GLRA2: variants seen among roughly 807,000 people sequenced by gnomAD.
GLRA2 encodes glycine receptor alpha 2.
GLRA2 carries 11 observed loss-of-function variants against 31.6 expected under a neutral mutation model. The observed-to-expected ratio is 0.35, with a 90% CI of 0.22 to 0.58. The LOEUF is 0.58. Ranked by LOEUF, GLRA2 falls within the 20% of genes least tolerant of loss-of-function variation. The pLI is 0.84. For synonymous variants in GLRA2, 132 were observed against 134.0 expected (o/e 0.99, Z 0.10); for missense variants, 212 against 351.8 (o/e 0.60, Z 3.18).
At chrX:14,493,606 C>CATATACACAT in the GLRA2 span, among the ~76,000 whole-genome samples, 1 of 99,363 alleles carries the variant, frequency 1.0e-5, no homozygotes, top group Non-Finnish European at 2.0e-5. Context: ...CATATATACA[C>CATATACACAT]ATATACACAT....
At chrX:14,531,177 A>G in intron 1 of GLRA2, 1 of 926,826 alleles carries the variant, frequency 1.1e-6, no homozygotes, top group Non-Finnish European at 1.4e-6. Flanking sequence ...GCATATGAGA[A>G]TGTGAGTATT....
the GLRA2 span, among the ~76,000 whole-genome samples, chrX:14,462,854 T>G: frequency 0.019 from 2,088 of 111,854 alleles, 69 homozygotes; most frequent in African/African-American, 0.065. Context: ...TGTCAACTTG[T>G]CAAAGTCATT....
the GLRA2 span, among the ~76,000 whole-genome samples, chrX:14,478,294 A>G: frequency 9.0e-6 from 1 of 111,468 alleles, no homozygotes; most frequent in Admixed American, 9.5e-5. Flanking sequence ...GATCCACTTG[A>G]GTCCATTTCT....
chrX:14,701,002 C>G lies in GLRA2; in HGVS notation c.1080+10143C>G, dbSNP rs944270618. On this transcript the variant is annotated intron_variant, in intron 8 of 8. Transcript: ENST00000218075. ...ACAAAAGAAGGAATAAGAATAAGGA[C>G]ATGGCAAGTTTGTGGGTGGGTGGGT... Among the ~76,000 whole-genome samples, 4 of 109,724 alleles carry G rather than the reference C, an allele frequency of 3.6e-5. No homozygotes were observed. In the East Asian group the frequency reaches 8.6e-4, roughly 24 times the overall value.
At chrX:14,729,133 C>T (rs1295775561) in intron 8 of GLRA2, among the ~76,000 whole-genome samples, 1 of 112,169 alleles carries the variant, frequency 8.9e-6, no homozygotes, top group African/African-American at 3.2e-5. Flanking sequence ...ACACTACTGA[C>T]ATTCAGTAAG....
chrX:14,624,084 G>A (rs1326207759), intron 7 of GLRA2, among the ~76,000 whole-genome samples: 4 of 111,482 alleles, frequency 3.6e-5, no homozygotes, highest in Non-Finnish European at 1.9e-5. Context: ...GAGGGTGTAT[G>A]TATGTGTTGA....
chrX:14,531,701 G>T (rs761312029), intron 1 of GLRA2, among the ~76,000 whole-genome samples: 1 of 111,254 alleles, frequency 9.0e-6, no homozygotes, highest in East Asian at 2.8e-4. Context: ...TTCTCTTTTA[G>T]ATATCACATT....
intron 7 of GLRA2, among the ~76,000 whole-genome samples, chrX:14,673,043 G>A (rs369738774): frequency 1.8e-5 from 2 of 111,120 alleles, no homozygotes; most frequent in Non-Finnish European, 3.8e-5. Flanking sequence ...AGTCTGGGTC[G>A]GAAAGCTTCT....
At chrX:14,721,568 A>G (rs1303330149) in intron 8 of GLRA2, among the ~76,000 whole-genome samples, 1 of 111,682 alleles carries the variant, frequency 9.0e-6, no homozygotes, top group Non-Finnish European at 1.9e-5. Flanking sequence ...TATGATCCTT[A>G]TAAGACCTAT....
At chrX:14,586,168 A>G (rs1047388011) in intron 4 of GLRA2, among the ~76,000 whole-genome samples, 1 of 111,793 alleles carries the variant, frequency 8.9e-6, no homozygotes, top group Admixed American at 9.6e-5. Context: ...GGGGTCTAAA[A>G]AAAAAGAGAA....
chrX:14,568,394 A>C (rs1289317641), intron 2 of GLRA2, among the ~76,000 whole-genome samples: 1 of 111,950 alleles, frequency 8.9e-6, no homozygotes, highest in Non-Finnish European at 1.9e-5. Flanking sequence ...TCTCCTCAAG[A>C]AATAGTGCTG....
At chrX:14,477,507 C>T in the GLRA2 span, among the ~76,000 whole-genome samples, 1 of 111,040 alleles carries the variant, frequency 9.0e-6, no homozygotes, top group African/African-American at 3.3e-5. Context: ...AAAATCTAAC[C>T]ACTCTCCCCA....
Position 14,552,655 on chromosome X carries a change from G to A in GLRA2, c.202+20283G>A, listed in dbSNP as rs189112560. 2.6e-4 allele frequency among the ~76,000 whole-genome samples: 29 copies of A among 111,797 alleles called. No individual in the cohort carries two copies. The East Asian group carries it at 8.2e-3, about 32-fold the overall frequency. ...TGACTGGAGATGAATGTTTTGAGAG[G>A]TATGCATCAACCCAAGCCAATACCC... On this transcript the variant is annotated intron_variant, in intron 2 of 8. Coordinates refer to ENST00000218075, the MANE Select transcript of GLRA2 (RefSeq NM_002063.4).
intron 8 of GLRA2, among the ~76,000 whole-genome samples, chrX:14,713,372 C>T (rs2091740711): frequency 8.9e-6 from 1 of 111,987 alleles, no homozygotes; most frequent in African/African-American, 3.2e-5. Context: ...GTCTTTTGAG[C>T]ACTCTAGCTA....
chrX:14,650,640 T>C (rs891080670), intron 7 of GLRA2, among the ~76,000 whole-genome samples: 1 of 111,262 alleles, frequency 9.0e-6, no homozygotes, highest in Non-Finnish European at 1.9e-5. Context: ...AACTTGTGCA[T>C]TGCAATTTTT....
chrX:14,612,143 C>A (rs924177369), intron 7 of GLRA2, among the ~76,000 whole-genome samples: 1 of 111,644 alleles, frequency 9.0e-6, no homozygotes, highest in African/African-American at 3.3e-5. Context: ...AAACAAACAA[C>A]CCCATCAAAA....
intron 7 of GLRA2, among the ~76,000 whole-genome samples, chrX:14,632,099 G>A (rs1048454375): frequency 9.7e-6 from 1 of 103,557 alleles, no homozygotes; most frequent in Non-Finnish European, 2.0e-5. Context: ...TCATGACCTA[G>A]AAACTTTCTC....
intron 7 of GLRA2, among the ~76,000 whole-genome samples, chrX:14,645,086 A>C (rs1601795751): frequency 8.9e-6 from 1 of 111,975 alleles, no homozygotes; most frequent in East Asian, 2.8e-4. Context: ...TATGGCCATT[A>C]ATGAGAAATG....
At chrX:14,679,888 G>T (rs1449556281) in intron 7 of GLRA2, among the ~76,000 whole-genome samples, 1 of 111,555 alleles carries the variant, frequency 9.0e-6, no homozygotes, top group Non-Finnish European at 1.9e-5. Flanking sequence ...GTAGACCATG[G>T]GATTCTTAAG....
Sources: gnomAD v4.1 joint callset for allele counts (sites outside exome capture counted in the v4.1 genomes callset) on GRCh38, gnomAD v4.1.1 for gene constraint, MANE v1.5 for transcripts, NCBI Gene and HGNC (gene_info 2026-07-23, HGNC 2026-07-21) for gene names.